The following DENND1C variants were observed in gnomAD, a reference collection of about 807,000 sequenced individuals.
The protein encoded by DENND1C is DENN domain-containing protein 1C.
In DENND1C, 64 loss-of-function variants were observed where a neutral mutation model predicts 87.9. That is an observed-to-expected ratio of 0.73 (90% confidence interval 0.60 to 0.90). The LOEUF is 0.90. Among genes scored for constraint, DENND1C ranks in the 40% least tolerant of loss-of-function variants. The pLI is 0.00. For missense variants in DENND1C, 980 were observed against 1,037.0 expected, an observed-to-expected ratio of 0.95 and a Z score of 0.76; for synonymous variants, 384 against 424.4, an observed-to-expected ratio of 0.90 and a Z score of 1.17.
intron 1 of DENND1C, chr19:6,480,351 C>T: frequency 1.5e-6 from 2 of 1,324,556 alleles, no homozygotes; most frequent in Non-Finnish European, 1.9e-6. Flanking sequence ...GTGATCCTGT[C>T]TGCTGTCTGC....
chr19:6,480,214 G>A, intron 1 of DENND1C, 163 bp from the exon 2 acceptor site: 2 of 1,473,296 alleles, frequency 1.4e-6, no homozygotes, highest in Non-Finnish European at 1.8e-6. Flanking sequence ...GTGTGAGGCT[G>A]TGTGTGCAGC....
Position 6,475,310 on chromosome 19 carries a change from G to A in DENND1C, c.1017C>T (p.Leu339=), listed in dbSNP as rs1371714304. Residue 339 remains leucine (L), a synonymous_variant, in exon 14 of 23, where the codon CTC becomes CTT. Transcript: ENST00000381480. The part of the protein sequence containing the change: ...SRLFLKAQAL[L]FGGYRDALVC... The stretch of plus-strand genomic sequence containing the variant: ...CGAGTGCGTCGCGGTACCCCCCGAA[G>A]AGCAGGGCCTGGGCTTTGAGGAAGA... 3.7e-6 allele frequency: 6 copies of A among 1,613,434 alleles called. No homozygotes were observed. The highest frequency in any genetic ancestry group is 3.3e-5 in the South Asian group (3 of 91,070).
In DENND1C at chr19:6,477,460, T is replaced by C; in HGVS notation, c.367-2A>G. ...AAGAAGTTCCTCTGCCTCGGTGACC[T>C]GGGTGGGACGTGGAGGGGCGGGGGT... is the stretch of plus-strand genomic sequence containing the variant. On this transcript the variant is annotated splice_acceptor_variant, in intron 6 of 22. Coordinates refer to ENST00000381480, the MANE Select transcript of DENND1C (RefSeq NM_024898.4). LOFTEE classifies it high-confidence loss of function. 6.9e-7 allele frequency: 1 copy of C among 1,455,386 alleles called. No individual in the cohort carries two copies. The highest frequency in any genetic ancestry group is 9.3e-7 in the Non-Finnish European group (1 of 1,074,106). The allele number at this position is 1,455,386 out of a possible 1,614,324, so 90.2% of individuals were successfully genotyped here.
chr19:6,469,717 A>G, intron 18 of DENND1C, 77 bp from the exon 19 acceptor site: 1 of 1,510,988 alleles, frequency 6.6e-7, no homozygotes, highest in Non-Finnish European at 9.0e-7. Flanking sequence ...TCTGTCCCCT[A>G]AGATAGCTTT....
intron 14 of DENND1C, 81 bp downstream of exon 14, chr19:6,475,193 G>A: frequency 1.3e-6 from 2 of 1,593,516 alleles, no homozygotes; most frequent in Non-Finnish European, 1.7e-6. Flanking sequence ...CACTGCGTCC[G>A]GCCATCTACT....
rs943917458 is a variant in DENND1C, at chr19:6,468,751, TGAA to T, written c.1515+92_1515+94del. ...AGTGGGTGCCACATATTTGGGGAGT[TGAA>T]GAAGGAGGTGAGATGTCTGGATGGG... is the stretch of plus-strand genomic sequence containing the variant. On this transcript the variant is annotated intron_variant, in intron 20 of 22. Coordinates refer to ENST00000381480, the MANE Select transcript of DENND1C (RefSeq NM_024898.4). 7 of 1,378,918 alleles carry T rather than the reference TGAA, an allele frequency of 5.1e-6. No homozygotes were observed. In the East Asian group the frequency reaches 7.3e-5, roughly 14 times the overall value. The allele number at this position is 1,378,918 out of a possible 1,614,324, so 85.4% of individuals were successfully genotyped here.
intron 17 of DENND1C, among the ~76,000 whole-genome samples, chr19:6,471,055 A>G (rs1253048668): frequency 6.6e-6 from 1 of 151,892 alleles, no homozygotes; most frequent in Admixed American, 6.6e-5. Flanking sequence ...CCTGGGGCTC[A>G]AGCCATCCTT....
rs1212660782 is a variant in DENND1C at position 6,467,995 on chromosome 19, TG to T, written c.1914del (p.Arg639GlyfsTer4). ...GACTCTGAGGGTATCAGCTGGGACCTGGAGTCCTTTGAAGAGCTGGTGGCAT... is the reference window on the plus strand; with the variant it reads ...GACTCTGAGGGTATCAGCTGGGACCTGAGTCCTTTGAAGAGCTGGTGGCAT... ...SLDATSSSKD[S>X]RSQLIPSESD... On this transcript the variant is annotated frameshift_variant, in exon 23 of 23. Transcript: ENST00000381480. LOFTEE classifies it low-confidence loss of function (END_TRUNC). 6.2e-7 allele frequency: 1 copy of T among 1,613,856 alleles called. No individual in the cohort carries two copies. Among genetic ancestry groups the T allele is most frequent in the African/African-American group, 1.3e-5 (1 of 75,042 alleles).
chr19:6,468,653 G>T lies in DENND1C; in HGVS notation c.1516-8C>A. 6.8e-7 allele frequency: 1 copy of T among 1,474,804 alleles called. No homozygotes were observed. Among genetic ancestry groups the T allele is most frequent in the Non-Finnish European group, 9.0e-7 (1 of 1,114,136 alleles). 91.4% of individuals were successfully genotyped at this position (1,474,804 alleles called of 1,614,324 possible). ...GGGGCGAAGGGGCCGGTTCTGCAAA[G>T]GGTGGGGGCGATAGGACCTCAGGAG... On this transcript the variant is annotated splice_polypyrimidine_tract_variant and splice_region_variant and intron_variant, in intron 20 of 22. Coordinates refer to ENST00000381480, the MANE Select transcript of DENND1C (RefSeq NM_024898.4).
Position 6,468,869 on chromosome 19 carries a change from G to T in DENND1C, c.1492C>A (p.Pro498Thr), listed in dbSNP as rs1354691642. 1 of 1,513,668 alleles carries T rather than the reference G, an allele frequency of 6.6e-7. No individual in the cohort carries two copies. Among genetic ancestry groups the T allele is most frequent in the East Asian group, 2.4e-5 (1 of 41,908 alleles). 93.8% of individuals were successfully genotyped at this position (1,513,668 alleles called of 1,614,324 possible). A position where few individuals can be genotyped will look rare whatever the true frequency, so the allele number is the denominator to read the frequency against. ...ACCTTTCCAAAGTGCTGAGTGATTG[G>T]GAGGCGTTGCTGCAGGCGGTCTGAG... ...SRSDRLQQRL[P>T]ITQHFGKNRP... The change falls in exon 20 of 23, where the codon CCA becomes ACA. Residue 498 changes from proline (P) to threonine (T), a missense_variant. Physicochemically the swap from Pro to Thr is conservative, Grantham distance 38 (BLOSUM62 -1). Coordinates refer to ENST00000381480, the MANE Select transcript of DENND1C (RefSeq NM_024898.4).
In DENND1C at chr19:6,474,281, G is replaced by A. The variant is rs568057645; in HGVS notation, c.1053+993C>T. ...GGGAGAGATCAGTGCATTAATTTTA[G>A]GCAAACAATGAGAGGGTCCAGGCCA... On this transcript the variant is annotated intron_variant, in intron 14 of 22. Transcript: ENST00000381480. Among the ~76,000 whole-genome samples, 8 of 152,224 alleles carry A rather than the reference G, an allele frequency of 5.3e-5. No individual in the cohort carries two copies. The South Asian group carries it at 1.7e-3, about 32-fold the overall frequency.
intron 15 of DENND1C, among the ~76,000 whole-genome samples, chr19:6,472,118 T>A (rs1395372857): frequency 6.6e-6 from 1 of 152,152 alleles, no homozygotes; most frequent in African/African-American, 2.4e-5. Context: ...TCTTTAGGGA[T>A]CTTGTGGTCC....
Position 6,476,840 on chromosome 19 carries a change from G to T in DENND1C, c.678+17C>A, listed in dbSNP as rs769501585. On this transcript the variant is annotated intron_variant, in intron 10 of 22. Transcript: ENST00000381480. ...CCAGGCCCTGCTCCCACCCCGGCCC[G>T]GCGGACCCCGCCTCACGGTGCTGAG... The T allele has an allele frequency of 6.2e-7, 1 of 1,605,314 alleles. No homozygotes were observed.
rs1426645412 is a variant in DENND1C, at chr19:6,473,746, G to A, written c.1054-753C>T. Among the ~76,000 whole-genome samples the A allele has an allele frequency of 1.0e-4, 14 of 140,480 alleles. No individual in the cohort carries two copies. The East Asian group carries it at 1.8e-3, about 18-fold the overall frequency. The allele number at this position is 140,480 out of a possible 152,430, so 92.2% of individuals were successfully genotyped here. ...TGGCCTCTCAAAAGTGTGAGTCACC[G>A]ACCCGGCTGATTTAAGCATTTATCT... On this transcript the variant is annotated intron_variant, in intron 14 of 22. Coordinates refer to ENST00000381480, the MANE Select transcript of DENND1C (RefSeq NM_024898.4).
At chr19:6,479,149 A>G (rs1297215402) in intron 4 of DENND1C, 93 bp from the exon 5 acceptor site, 4 of 1,525,816 alleles carry the variant, frequency 2.6e-6, no homozygotes, top group African/African-American at 2.8e-5. Flanking sequence ...CCCTGAGTGT[A>G]TGGGTCTCTA....
intron 4 of DENND1C, among the ~76,000 whole-genome samples, chr19:6,479,341 C>T (rs1037881829): frequency 6.9e-6 from 1 of 144,976 alleles, no homozygotes; most frequent in Admixed American, 6.7e-5. Flanking sequence ...CCCTGAGTCC[C>T]TGAGTCCCTG....
rs934649852 is a variant in DENND1C at position 6,475,920 on chromosome 19, G to T, written c.696C>A (p.His232Gln). 1.3e-6 allele frequency: 2 copies of T among 1,567,006 alleles called. No individual in the cohort carries two copies. The highest frequency in any genetic ancestry group is 2.0e-5 in the Admixed American group (1 of 50,200). ...TGGGGTACAGGAGCGCGCAGGACGC[G>T]TGGACGCACGAGGTCAGCTGGGGAG... is the stretch of plus-strand genomic sequence containing the variant. ...SKLSTLTSCV[H>Q]ASCALLYPMR... is the part of the protein sequence containing the mutation. Residue 232 changes from histidine to glutamine, a missense_variant, in exon 11 of 23, where the codon CAC becomes CAA. Coordinates refer to ENST00000381480, the MANE Select transcript of DENND1C (RefSeq NM_024898.4).
intron 16 of DENND1C, 27 bp from the exon 17 acceptor site, chr19:6,471,332 C>A: frequency 6.3e-7 from 1 of 1,595,590 alleles, no homozygotes; most frequent in South Asian, 1.1e-5. Context: ...GTGTGGTGGT[C>A]ACCGAAGGCT....
chr19:6,481,347 C>G (rs969668129), intron 1 of DENND1C, among the ~76,000 whole-genome samples: 1 of 152,104 alleles, frequency 6.6e-6, no homozygotes, highest in East Asian at 1.9e-4. Context: ...AGCCTCCCCT[C>G]TGCCCTGATC....
Sources: allele counts gnomAD v4.1 joint callset (sites outside exome capture counted in the v4.1 genomes callset), GRCh38; gene constraint gnomAD v4.1.1; transcripts MANE v1.5; gene names NCBI Gene and HGNC (gene_info 2026-07-23, HGNC 2026-07-21).